The following MMD2 variants were observed in gnomAD, a reference collection of about 807,000 sequenced individuals.
MMD2 encodes monocyte to macrophage differentiation factor 2.
A neutral mutation model predicts 33.5 loss-of-function variants in MMD2; 30 were observed. The ratio of observed to expected loss-of-function variants is 0.90; its 90% CI spans 0.67 to 1.22. The LOEUF (loss-of-function observed/expected upper bound fraction) is 1.22. MMD2 is among the 50% of genes most tolerant of loss of function. The pLI is 0.00. For missense variants in MMD2, 364 were observed against 325.4 expected, an observed-to-expected ratio of 1.12 and a Z score of -0.91; for synonymous variants, 129 against 123.0, an observed-to-expected ratio of 1.05 and a Z score of -0.32.
intron 2 of MMD2, among the ~76,000 whole-genome samples, chr7:4,922,673 C>T (rs2115107640): frequency 6.6e-6 from 1 of 152,184 alleles, no homozygotes; most frequent in East Asian, 1.9e-4. Flanking sequence ...ATCCTGGGTT[C>T]ACATGATCCT....
chr7:4,895,502 G>C, the MMD2 span, among the ~76,000 whole-genome samples: 1 of 152,092 alleles, frequency 6.6e-6, no homozygotes, highest in Non-Finnish European at 1.5e-5. Context: ...CCAGGCTTGA[G>C]GGTGGAGTTT....
chr7:4,905,392 AAGG>A (rs954759817), downstream of MMD2, among the ~76,000 whole-genome samples: 2 of 145,322 alleles, frequency 1.4e-5, no homozygotes, highest in Admixed American at 6.9e-5. The surrounding 1 kb of genome is among the most constrained non-coding windows in gnomAD (Gnocchi z 5.0). Context: ...GGAAGGGGAA[AAGG>A]AGGAGGAAGT....
intron 1 of MMD2, among the ~76,000 whole-genome samples, chr7:4,937,096 T>C (rs1562489841): frequency 6.6e-6 from 1 of 151,030 alleles, no homozygotes; most frequent in Non-Finnish European, 1.5e-5. Flanking sequence ...GACTGGGTAA[T>C]TTATAAAGAA....
intron 1 of MMD2, among the ~76,000 whole-genome samples, chr7:4,953,623 A>C (rs1786308728): frequency 2.7e-5 from 4 of 149,814 alleles, no homozygotes. Context: ...GGTGCATGCC[A>C]CCACACCCGG....
intron 1 of MMD2, among the ~76,000 whole-genome samples, chr7:4,932,268 G>C (rs747187398): frequency 6.6e-6 from 1 of 152,252 alleles, no homozygotes; most frequent in African/African-American, 2.4e-5. Context: ...ACAGGGCCGT[G>C]GGCAAACGAC....
intron 1 of MMD2, among the ~76,000 whole-genome samples, chr7:4,958,074 A>G (rs1786435644): frequency 6.6e-6 from 1 of 152,108 alleles, no homozygotes; most frequent in Admixed American, 6.6e-5. Flanking sequence ...CTGTTCACGA[A>G]GGCAGGGGAC....
At chr7:4,900,990 A>AC (rs1784786664), downstream of MMD2, among the ~76,000 whole-genome samples, 3 of 151,858 alleles carry the variant, frequency 2.0e-5, no homozygotes, top group Admixed American at 6.6e-5. Context: ...AAATATAAAA[A>AC]TTAGCCGGGT....
intron 4 of MMD2, among the ~76,000 whole-genome samples, chr7:4,911,834 G>A (rs1243781336): frequency 6.6e-6 from 1 of 151,916 alleles, no homozygotes; most frequent in Non-Finnish European, 1.5e-5. Flanking sequence ...TTTTAGTAAA[G>A]ATGGGGTTTC....
rs183482476 is a variant in MMD2, at chr7:4,925,226, C to G, written c.129+225G>C. On this transcript the variant is annotated intron_variant, in intron 2 of 6. Transcript: ENST00000401401. The stretch of plus-strand genomic sequence containing the variant: ...AATTATAGGCATGAGCCACCATGCT[C>G]GGCCCCATCGAAGGTTCTTAGAGCA... 1.8e-3 allele frequency among the ~76,000 whole-genome samples: 281 copies of G among 152,204 alleles called. 2 individuals carry two copies. The highest frequency in any genetic ancestry group is 3.4e-3 in the Middle Eastern group (1 of 294).
intron 5 of MMD2, among the ~76,000 whole-genome samples, chr7:4,910,941 C>A (rs1784990807): frequency 6.6e-6 from 1 of 152,120 alleles, no homozygotes; most frequent in Non-Finnish European, 1.5e-5. Context: ...TGCCTGGCCA[C>A]CTATGATGTC....
intron 1 of MMD2, among the ~76,000 whole-genome samples, chr7:4,943,113 G>C (rs887641487): frequency 2.7e-5 from 4 of 148,048 alleles, no homozygotes; most frequent in African/African-American, 9.9e-5. Flanking sequence ...GGGTTCAAGC[G>C]ATTCTCCTGC....
intron 1 of MMD2, among the ~76,000 whole-genome samples, chr7:4,931,629 T>C (rs1402565138): frequency 6.6e-6 from 1 of 151,710 alleles, no homozygotes; most frequent in Non-Finnish European, 1.5e-5. Context: ...AGAGTCTCAC[T>C]GTGTTGCTCA....
intron 1 of MMD2, among the ~76,000 whole-genome samples, chr7:4,928,573 G>C (rs1376458325): frequency 6.6e-6 from 1 of 151,672 alleles, no homozygotes; most frequent in Non-Finnish European, 1.5e-5. Context: ...TCTGTGTGCT[G>C]ACTCCATGCT....
intron 3 of MMD2, among the ~76,000 whole-genome samples, chr7:4,917,102 G>A (rs780601892): frequency 2.0e-5 from 3 of 151,912 alleles, no homozygotes; most frequent in Non-Finnish European, 4.4e-5. Flanking sequence ...ACTAAATTAC[G>A]TGCCCCTCAA....
intron 2 of MMD2, among the ~76,000 whole-genome samples, chr7:4,921,439 T>C (rs111383531): frequency 6.6e-6 from 1 of 151,560 alleles, no homozygotes; most frequent in African/African-American, 2.4e-5. Flanking sequence ...GCCAATATGG[T>C]GAAACCCCGT....
At chr7:4,953,428 T>C (rs1437076799) in intron 1 of MMD2, among the ~76,000 whole-genome samples, 2 of 148,904 alleles carry the variant, frequency 1.3e-5, no homozygotes, top group African/African-American at 4.9e-5. Context: ...ACTAGATGGA[T>C]GTTGAACCCT....
At chr7:4,924,487 T>C (rs1785371713) in intron 2 of MMD2, among the ~76,000 whole-genome samples, 1 of 152,250 alleles carries the variant, frequency 6.6e-6, no homozygotes, top group Admixed American at 6.5e-5. Context: ...TTTGAACTCA[T>C]GTCTGCATTG....
intron 2 of MMD2, among the ~76,000 whole-genome samples, chr7:4,925,080 G>A (rs1195946816): frequency 2.0e-5 from 3 of 152,026 alleles, no homozygotes; most frequent in African/African-American, 4.8e-5. Context: ...ACAGGTGCCC[G>A]CCACCATGCC....
At chr7:4,894,436 T>C in the MMD2 span, among the ~76,000 whole-genome samples, 1 of 152,182 alleles carries the variant, frequency 6.6e-6, no homozygotes, top group Admixed American at 6.5e-5. The surrounding 1 kb of genome is among the most constrained non-coding windows in gnomAD (Gnocchi z 4.3). Flanking sequence ...CTAGAGATAG[T>C]AACAGAGTGG....
Sources: allele counts gnomAD v4.1 joint callset (sites outside exome capture counted in the v4.1 genomes callset), GRCh38; gene constraint gnomAD v4.1.1; non-coding constraint Gnocchi (gnomAD v3.1); transcripts MANE v1.5; gene names NCBI Gene and HGNC (gene_info 2026-07-23, HGNC 2026-07-21).